Variants in SLC25A13 observed in about 807,000 individuals in gnomAD.
The protein encoded by SLC25A13 is solute carrier family 25 member 13, also known as electrogenic aspartate/glutamate antiporter SLC25A13, mitochondrial.
A neutral mutation model predicts 85.5 loss-of-function variants in SLC25A13; 70 were observed. That is an observed-to-expected ratio of 0.82 (90% CI 0.68 to 1.00). The LOEUF (loss-of-function observed/expected upper bound fraction) is 1.00, where lower values mean the gene tolerates loss of function less well. Ranked by LOEUF, SLC25A13 falls within the 50% of genes least tolerant of loss-of-function variation. The probability of loss-of-function intolerance (pLI) is 0.00; values close to 1 mark genes in which losing one functional copy is unlikely to be tolerated. For synonymous variants in SLC25A13, 259 were observed against 288.7 expected (o/e 0.90, Z 1.04); for missense variants, 765 against 819.8 (o/e 0.93, Z 0.82).
intron 5 of SLC25A13, among the ~76,000 whole-genome samples, chr7:96,194,750 G>A (rs1794998354): frequency 6.6e-6 from 1 of 152,158 alleles, no homozygotes. Flanking sequence ...AAGCCAAATA[G>A]CAGTTGCATG....
intron 1 of SLC25A13, among the ~76,000 whole-genome samples, chr7:96,317,467 A>G (rs2117039841): frequency 6.6e-6 from 1 of 152,136 alleles, no homozygotes. Flanking sequence ...AGCGCTCAGT[A>G]AGTGTCAGCT....
chr7:96,148,850 C>T (rs1242605170), intron 13 of SLC25A13, among the ~76,000 whole-genome samples: 1 of 152,316 alleles, frequency 6.6e-6, no homozygotes, highest in East Asian at 1.9e-4. Flanking sequence ...GAGCTTCGGT[C>T]TCCCTATTTG....
At chr7:96,225,355 G>A (rs993927902) in intron 4 of SLC25A13, among the ~76,000 whole-genome samples, 1 of 151,984 alleles carries the variant, frequency 6.6e-6, no homozygotes, top group African/African-American at 2.4e-5. Flanking sequence ...GATTAGTCTG[G>A]GCAACATAGT....
chr7:96,137,827 G>A (rs937078471), intron 14 of SLC25A13, among the ~76,000 whole-genome samples: 3 of 152,138 alleles, frequency 2.0e-5, no homozygotes, highest in Non-Finnish European at 4.4e-5. Flanking sequence ...GTTTCAACAT[G>A]TTGGCCAGGA....
intron 3 of SLC25A13, among the ~76,000 whole-genome samples, chr7:96,259,166 A>T (rs995356311): frequency 6.6e-6 from 1 of 152,188 alleles, no homozygotes; most frequent in Non-Finnish European, 1.5e-5. Context: ...AGACTTCATG[A>T]TTAAAATACC....
intron 2 of SLC25A13, among the ~76,000 whole-genome samples, chr7:96,294,032 A>C (rs1024333716): frequency 7.9e-4 from 121 of 152,292 alleles, no homozygotes; most frequent in African/African-American, 2.9e-3. Flanking sequence ...AACCAACCCA[A>C]ATGTCCATCA....
intron 2 of SLC25A13, among the ~76,000 whole-genome samples, chr7:96,288,579 C>T (rs544730495): frequency 5.3e-5 from 8 of 152,302 alleles, no homozygotes; most frequent in East Asian, 1.9e-4. Context: ...CCTAATACTG[C>T]GCTTTTCCAA....
chr7:96,225,560 A>G (rs991457223), intron 4 of SLC25A13, among the ~76,000 whole-genome samples: 7 of 151,460 alleles, frequency 4.6e-5, no homozygotes, highest in Admixed American at 6.6e-5. Context: ...GAAACCAAGA[A>G]AGAAAAAAAA....
chr7:96,203,138 G>A (rs1161373422), intron 5 of SLC25A13, among the ~76,000 whole-genome samples: 1 of 152,096 alleles, frequency 6.6e-6, no homozygotes, highest in Non-Finnish European at 1.5e-5. Flanking sequence ...GGTTTGCCTC[G>A]ACAGACTTCC....
At chr7:96,123,813 G>C (rs996602823) in intron 15 of SLC25A13, among the ~76,000 whole-genome samples, 19 of 152,198 alleles carry the variant, frequency 1.2e-4, no homozygotes, top group Middle Eastern at 3.2e-3. Flanking sequence ...GCAAGAACTT[G>C]GCCACCAGAG....
chr7:96,254,340 C>T (rs1797544495), intron 3 of SLC25A13, among the ~76,000 whole-genome samples: 1 of 152,200 alleles, frequency 6.6e-6, no homozygotes, highest in Non-Finnish European at 1.5e-5. Flanking sequence ...TCTACTCCTG[C>T]TCTCAGACTG....
intron 11 of SLC25A13, among the ~76,000 whole-genome samples, chr7:96,180,800 C>A (rs900739270): frequency 2.0e-5 from 3 of 152,152 alleles, no homozygotes; most frequent in African/African-American, 7.2e-5. Context: ...GGATGATTAC[C>A]CAATCAATTG....
rs1562831553 is a variant in SLC25A13, at chr7:96,193,074, T to C, written c.578A>G (p.His193Arg). The change falls in exon 6 of 18, where the codon CAT becomes CGT. Residue 193 changes from histidine (H) to arginine (R), a missense_variant. His to Arg is a conservative substitution (Grantham distance 29, BLOSUM62 0). Coordinates refer to ENST00000265631, the MANE Select transcript of SLC25A13 (RefSeq NM_014251.3). ...TTCTTCTACAAAAGGAGTCAAGACA[T>C]GGGGGCGGATGGTGACCATGATGTC... Reference protein sequence around the residue: ...FRDIMVTIRPHVLTPFVEECL... With the variant: ...FRDIMVTIRPRVLTPFVEECL... 1.9e-6 allele frequency: 3 copies of C among 1,614,090 alleles called. No homozygotes were observed. The highest frequency in any genetic ancestry group is 2.5e-6 in the Non-Finnish European group (3 of 1,180,008).
intron 2 of SLC25A13, among the ~76,000 whole-genome samples, chr7:96,294,671 A>G (rs1029782545): frequency 6.6e-6 from 1 of 151,952 alleles, no homozygotes; most frequent in Non-Finnish European, 1.5e-5. Flanking sequence ...AAACAAATTT[A>G]TAAAGAACAT....
chr7:96,312,472 C>T (rs188876505), intron 1 of SLC25A13, among the ~76,000 whole-genome samples: 83 of 152,254 alleles, frequency 5.5e-4, no homozygotes, highest in African/African-American at 1.8e-3. Context: ...AGGTTATCAA[C>T]ACGTTCCCTG....
intron 11 of SLC25A13, among the ~76,000 whole-genome samples, chr7:96,172,756 C>T (rs769567924): frequency 6.6e-6 from 1 of 151,770 alleles, no homozygotes; most frequent in Non-Finnish European, 1.5e-5. Flanking sequence ...TGAGGACAAG[C>T]GCCAGTTTGT....
chr7:96,292,648 G>C (rs912647975), intron 2 of SLC25A13, among the ~76,000 whole-genome samples: 1 of 152,126 alleles, frequency 6.6e-6, no homozygotes, highest in Admixed American at 6.5e-5. Context: ...GACAAACAGA[G>C]AGCCAAATCA....
chr7:96,146,831 T>C lies in SLC25A13; in HGVS notation c.1312-135A>G. ...GTAGTTTCAGCCCTTGTCCCATCAA[T>C]CAAAACGGTTAGGGATTACAAGTAT... is the stretch of plus-strand genomic sequence containing the variant. On this transcript the variant is annotated intron_variant, in intron 13 of 17. Coordinates refer to ENST00000265631, the MANE Select transcript of SLC25A13 (RefSeq NM_014251.3). The C allele has an allele frequency of 1.1e-5, 12 of 1,102,256 alleles. No individual in the cohort carries two copies. In the South Asian group the frequency reaches 1.4e-4, roughly 13 times the overall value. The allele number at this position is 1,102,256 out of a possible 1,614,324, so 68.3% of individuals were successfully genotyped here.
rs75910854 is a variant in SLC25A13 at position 96,306,806 on chromosome 7, C to G, written c.16-9855G>C. On this transcript the variant is annotated intron_variant, in intron 1 of 17. Coordinates refer to ENST00000265631, the MANE Select transcript of SLC25A13 (RefSeq NM_014251.3). ...TCCTAGTGCCCTATCATCTCTACCC[C>G]CAGGGACTCAGGAGATCATGCAGCA... 8.0e-3 allele frequency: 11,024 copies of G among 1,371,168 alleles called. 159 individuals carry two copies. The highest frequency in any genetic ancestry group is 0.051 in the African/African-American group (3,588 of 69,822). 84.9% of individuals were successfully genotyped at this position (1,371,168 alleles called of 1,614,324 possible).
Sources: allele counts gnomAD v4.1 joint callset (sites outside exome capture counted in the v4.1 genomes callset), GRCh38; gene constraint gnomAD v4.1.1; transcripts MANE v1.5; gene names NCBI Gene and HGNC (gene_info 2026-07-23, HGNC 2026-07-21).